The following ACTR3C variants were observed in gnomAD, a reference collection of about 807,000 sequenced individuals.
ACTR3C encodes actin related protein 3C, also known as actin-related protein 3C.
A neutral mutation model predicts 26.3 loss-of-function variants in ACTR3C; 18 were observed. That is an observed-to-expected ratio of 0.68 (90% CI 0.47 to 1.01). The LOEUF is 1.01. Ranked by LOEUF, ACTR3C falls within the 50% of genes least tolerant of loss-of-function variation. ACTR3C has a pLI of 0.00. For missense variants in ACTR3C, 184 were observed against 250.7 expected (o/e 0.73, Z 1.80); for synonymous variants, 55 against 94.5 (o/e 0.58, Z 2.42).
chr7:150,115,299 T>C, the ACTR3C span, among the ~76,000 whole-genome samples: 2 of 152,236 alleles, frequency 1.3e-5, no homozygotes, highest in East Asian at 1.9e-4. Flanking sequence ...ATTTTCTCTC[T>C]GACCTGGAAG....
At chr7:150,291,136 G>A (rs1836223915) in intron 3 of ACTR3C, among the ~76,000 whole-genome samples, 2 of 152,116 alleles carry the variant, frequency 1.3e-5, no homozygotes, top group Non-Finnish European at 2.9e-5. Context: ...ACGTGTCTTA[G>A]AAAAAGAGCT....
chr7:149,932,383 AT>A, the ACTR3C span, among the ~76,000 whole-genome samples: 50 of 152,292 alleles, frequency 3.3e-4, no homozygotes, highest in African/African-American at 1.2e-3. Flanking sequence ...GATGATGAAA[AT>A]ATTCTAAAAT....
chr7:149,907,489 T>TCTCTCTCTCTCC, the ACTR3C span, among the ~76,000 whole-genome samples: 6 of 148,118 alleles, frequency 4.1e-5, no homozygotes, highest in African/African-American at 1.5e-4. Flanking sequence ...TCTCTCTCTC[T>TCTCTCTCTCTCC]CTCTCTCTCT....
At chr7:149,990,790 C>T in the ACTR3C span, among the ~76,000 whole-genome samples, 1 of 152,216 alleles carries the variant, frequency 6.6e-6, no homozygotes. Flanking sequence ...TCTCTCCTCT[C>T]CATTGGGCCT....
intron 6 of ACTR3C, among the ~76,000 whole-genome samples, chr7:150,252,148 ATG>A (rs757960368): frequency 3.2e-4 from 47 of 146,918 alleles, no homozygotes; most frequent in Non-Finnish European, 4.1e-4. Context: ...GTGTGTGTGC[ATG>A]TGTGTGTGTG....
chr7:150,200,994 ACT>A, the ACTR3C span, among the ~76,000 whole-genome samples: 1 of 152,224 alleles, frequency 6.6e-6, no homozygotes, highest in Admixed American at 6.5e-5. Context: ...TTTATTTTAA[ACT>A]CTATCTTCAT....
the ACTR3C span, among the ~76,000 whole-genome samples, chr7:150,206,854 A>T: frequency 1.3e-5 from 2 of 152,228 alleles, no homozygotes; most frequent in African/African-American, 2.4e-5. Context: ...AAGCCTACAT[A>T]GGATGGAAGA....
intron 2 of ACTR3C, 120 bp from the exon 3 acceptor site, chr7:150,293,539 T>C (rs905662993): frequency 9.6e-7 from 1 of 1,040,948 alleles, no homozygotes; most frequent in Non-Finnish European, 1.4e-6. Context: ...ACTCTTTCCT[T>C]TTCCTATCCA....
chr7:150,063,383 AG>A, the ACTR3C span, among the ~76,000 whole-genome samples: 2 of 151,594 alleles, frequency 1.3e-5, no homozygotes, highest in African/African-American at 4.9e-5. Flanking sequence ...GCTGTGTTTC[AG>A]TGAACACTTC....
downstream of ACTR3C, among the ~76,000 whole-genome samples, chr7:150,241,721 A>T (rs577329049): frequency 6.6e-6 from 1 of 152,318 alleles, no homozygotes; most frequent in East Asian, 1.9e-4. Flanking sequence ...GATTGCAACC[A>T]GATATTCCCA....
chr7:150,242,790 T>C (rs894975600), downstream of ACTR3C, among the ~76,000 whole-genome samples: 12 of 152,150 alleles, frequency 7.9e-5, no homozygotes, highest in African/African-American at 2.9e-4. Flanking sequence ...GTGGTGGTGG[T>C]AGGGAGGGGA....
At chr7:150,082,947 C>CTTTTTTTTTTTTTTTTTTTTT in the ACTR3C span, among the ~76,000 whole-genome samples, 1 of 108,550 alleles carries the variant, frequency 9.2e-6, no homozygotes, top group Non-Finnish European at 1.8e-5. Context: ...TTTTTTTTTT[C>CTTTTTTTTTTTTTTTTTTTTT]TTTTTTTTTT....
At position 150,284,821 on chromosome 7, in the gene ACTR3C, A is replaced by G; in HGVS notation, c.496T>C (p.Ser166Pro). The G allele has an allele frequency of 1.2e-6, 2 of 1,612,522 alleles. No individual in the cohort carries two copies. The highest frequency in any genetic ancestry group is 1.7e-6 in the Non-Finnish European group (2 of 1,179,316). ...PEFANPDSME[S>P]ISDVVDEVIQ... is the part of the protein sequence containing the mutation. Reference sequence around the variant, plus strand: ...ACTTCATCAACAACATCTGAGATGGACTCCATAGAGTCTGGGTTGGCAAAC... The same window carrying G: ...ACTTCATCAACAACATCTGAGATGGGCTCCATAGAGTCTGGGTTGGCAAAC... The change falls in exon 6 of 8, where the codon TCC (serine) becomes CCC (proline). Residue 166 changes from serine to proline, a missense_variant. Coordinates refer to ENST00000683684, the MANE Select transcript of ACTR3C (RefSeq NM_001164458.2).
At chr7:150,184,289 A>G in the ACTR3C span, among the ~76,000 whole-genome samples, 1 of 150,826 alleles carries the variant, frequency 6.6e-6, no homozygotes, top group Non-Finnish European at 1.5e-5. Context: ...CCTGCAGGCC[A>G]CATTCTGCAT....
At chr7:150,318,315 T>A (rs1357682288) in intron 1 of ACTR3C, among the ~76,000 whole-genome samples, 1 of 151,844 alleles carries the variant, frequency 6.6e-6, no homozygotes, top group East Asian at 1.9e-4. Context: ...TGGAACAGAG[T>A]CTTTCCTAGA....
At chr7:149,905,824 C>A in the ACTR3C span, among the ~76,000 whole-genome samples, 1 of 152,300 alleles carries the variant, frequency 6.6e-6, no homozygotes, top group South Asian at 2.1e-4. Flanking sequence ...AACTCTCACA[C>A]ACTGCTGATG....
the ACTR3C span, among the ~76,000 whole-genome samples, chr7:150,035,406 A>C: frequency 1.2e-4 from 3 of 24,778 alleles, 1 homozygote; most frequent in African/African-American, 7.3e-4. Flanking sequence ...CCTAAGATCC[A>C]GGGGGGGAAG....
At chr7:150,209,117 G>A in the ACTR3C span, among the ~76,000 whole-genome samples, 3 of 151,346 alleles carry the variant, frequency 2.0e-5, no homozygotes, top group Non-Finnish European at 4.4e-5. Flanking sequence ...ATTTAAAAAT[G>A]AACAAAGCAT....
chr7:150,280,818 G>GTATATATA (rs1175868519), intron 6 of ACTR3C, among the ~76,000 whole-genome samples: 10 of 140,998 alleles, frequency 7.1e-5, no homozygotes, highest in Admixed American at 1.4e-4. Flanking sequence ...GTGTGTGTGT[G>GTATATATA]TATATATATA....
Sources: gnomAD v4.1 joint callset for allele counts (sites outside exome capture counted in the v4.1 genomes callset) on GRCh38, gnomAD v4.1.1 for gene constraint, MANE v1.5 for transcripts, NCBI Gene and HGNC (gene_info 2026-07-23, HGNC 2026-07-21) for gene names.